Variants in LCOR observed in about 807,000 individuals in gnomAD.
LCOR encodes ligand dependent nuclear receptor corepressor.
LCOR carries 14 observed loss-of-function variants against 64.4 expected under a neutral mutation model. That is an observed-to-expected ratio of 0.22 (90% CI 0.14 to 0.34). The LOEUF (loss-of-function observed/expected upper bound fraction) is 0.34, where lower values mean the gene tolerates loss of function less well. Ranked by LOEUF, LCOR falls within the 10% of genes least tolerant of loss-of-function variation. LCOR has a pLI of 1.00. For missense variants in LCOR, 1,686 were observed against 1,765.3 expected (o/e 0.96, Z 0.80); for synonymous variants, 643 against 642.5 (o/e 1.00, Z -0.01).
At chr10:96,882,987 A>G (rs554929981) in intron 2 of LCOR, among the ~76,000 whole-genome samples, 15 of 152,206 alleles carry the variant, frequency 9.9e-5, no homozygotes, top group African/African-American at 3.4e-4. Flanking sequence ...AGTTGCTTCA[A>G]GTTTTGACAG....
intron 7 of LCOR, chr10:96,955,927 A>G: frequency 1.2e-6 from 2 of 1,609,222 alleles, no homozygotes; most frequent in Non-Finnish European, 8.5e-7. Flanking sequence ...GAGTAGGAAT[A>G]CTGTAGAGTG....
chr10:96,972,051 A>ATAG lies in LCOR; in HGVS notation c.333-8740_333-8738dup, dbSNP rs1848004207. 2.0e-5 allele frequency among the ~76,000 whole-genome samples: 3 copies of ATAG among 152,216 alleles called. No homozygotes were observed. In the East Asian group the frequency reaches 5.8e-4, roughly 29 times the overall value. ...TTTCTAGAGAGGGGTGGGGTGGGGA[A>ATAG]TAGTTATAAAGGACTATTAATTCTT... On this transcript the variant is annotated intron_variant, in intron 7 of 7. Coordinates refer to ENST00000421806, the MANE Select transcript of LCOR (RefSeq NM_001346516.2).
At chr10:96,918,122 A>C (rs901126216) in intron 4 of LCOR, among the ~76,000 whole-genome samples, 1 of 152,256 alleles carries the variant, frequency 6.6e-6, no homozygotes, top group Non-Finnish European at 1.5e-5. Flanking sequence ...AAAGCACAAA[A>C]TACTGAGTTT....
Position 96,989,748 on chromosome 10 carries a change from G to A in LCOR, c.*4614G>A, listed in dbSNP as rs1253346828. Reference sequence around the variant, plus strand: ...AGAGACGAGGTTACGCTATGTTGCCGAGGCTGATCTGAAACTCCTGGCCTC... The same window carrying A: ...AGAGACGAGGTTACGCTATGTTGCCAAGGCTGATCTGAAACTCCTGGCCTC... On this transcript the variant is annotated 3_prime_UTR_variant, in exon 8 of 8. Coordinates refer to ENST00000421806, the MANE Select transcript of LCOR (RefSeq NM_001346516.2). 1.5e-5 allele frequency: 2 copies of A among 134,786 alleles called. No homozygotes were observed. Among genetic ancestry groups the A allele is most frequent in the African/African-American group, 2.9e-5 (1 of 34,524 alleles). The allele number at this position is 134,786 out of a possible 1,614,324, so 8.3% of individuals were successfully genotyped here. A position where few individuals can be genotyped will look rare whatever the true frequency, so the allele number is the denominator to read the frequency against.
intron 4 of LCOR, among the ~76,000 whole-genome samples, chr10:96,935,563 G>A (rs925191915): frequency 6.6e-6 from 1 of 152,194 alleles, no homozygotes; most frequent in Non-Finnish European, 1.5e-5. Flanking sequence ...AGCAGGGTGT[G>A]GTGGCTCTCG....
intron 2 of LCOR, among the ~76,000 whole-genome samples, chr10:96,834,260 G>T (rs1278931604): frequency 1.3e-5 from 2 of 152,206 alleles, no homozygotes; most frequent in Admixed American, 1.3e-4. Context: ...GGTTAAAAGT[G>T]CATTTTCAAA....
At chr10:96,955,122 C>A in intron 7 of LCOR, 1 of 1,614,130 alleles carries the variant, frequency 6.2e-7, no homozygotes, top group Non-Finnish European at 8.5e-7. Context: ...GAGCAGAAAC[C>A]AATTGTCCAC....
intron 2 of LCOR, among the ~76,000 whole-genome samples, chr10:96,902,377 C>T (rs998285473): frequency 6.6e-6 from 1 of 152,054 alleles, no homozygotes; most frequent in Non-Finnish European, 1.5e-5. Context: ...GGAGAATGTG[C>T]TCAGGAGGAG....
chr10:96,912,826 A>G (rs1284593081), intron 4 of LCOR, among the ~76,000 whole-genome samples: 1 of 152,086 alleles, frequency 6.6e-6, no homozygotes, highest in Non-Finnish European at 1.5e-5. Context: ...TTCTATTTCC[A>G]TAATTTCTTC....
chr10:96,993,725 C>G lies in LCOR; in HGVS notation c.*8591C>G, dbSNP rs1848220037. 6.7e-6 allele frequency: 1 copy of G among 149,406 alleles called. No homozygotes were observed. Among genetic ancestry groups the G allele is most frequent in the African/African-American group, 2.5e-5 (1 of 40,786 alleles). 9.3% of individuals were successfully genotyped at this position (149,406 alleles called of 1,614,324 possible). ...CAAATCTGAGCTTTAACTGCCCCCT[C>G]TTCTCATCTGGTTATGTTATATTAT... is the stretch of plus-strand genomic sequence containing the variant. On this transcript the variant is annotated 3_prime_UTR_variant, in exon 8 of 8. Transcript: ENST00000421806.
intron 2 of LCOR, among the ~76,000 whole-genome samples, chr10:96,841,373 T>A (rs1457306007): frequency 1.3e-5 from 2 of 151,566 alleles, no homozygotes; most frequent in Non-Finnish European, 1.5e-5. Context: ...TTTTTTTTTT[T>A]TTTTTTTGAG....
At chr10:96,919,011 A>G (rs1178199997) in intron 4 of LCOR, among the ~76,000 whole-genome samples, 1 of 152,234 alleles carries the variant, frequency 6.6e-6, no homozygotes, top group Non-Finnish European at 1.5e-5. Flanking sequence ...ATAAAAAACT[A>G]CTGAAGTCTA....
intron 2 of LCOR, among the ~76,000 whole-genome samples, chr10:96,847,214 A>T (rs1008355142): frequency 6.6e-6 from 1 of 152,130 alleles, no homozygotes; most frequent in African/African-American, 2.4e-5. Context: ...GCAGCACTCC[A>T]GTCTGGGTGA....
intron 5 of LCOR, among the ~76,000 whole-genome samples, chr10:96,948,216 CATT>C (rs1299481081): frequency 1.3e-5 from 2 of 151,988 alleles, no homozygotes; most frequent in African/African-American, 4.8e-5. Context: ...ATGTTTATTT[CATT>C]ATTTTATTTT....
rs1012167730 is a variant in LCOR at position 96,982,373 on chromosome 10, C to T, written c.1913C>T (p.Ala638Val). The stretch of plus-strand genomic sequence containing the variant: ...CCAGAAGGTGGCTCCACAGTCTCAG[C>T]TCCCACAGCAAGTGGGATGTCTTCT... ...DLPEGGSTVS[A>V]PTASGMSSPE... Residue 638 changes from alanine to valine, a missense_variant, in exon 8 of 8, where the codon GCT becomes GTT. Physicochemically the swap from Ala to Val is moderately conservative, Grantham distance 64. Around this residue, in one of 3 missense-constraint regions of LCOR, gnomAD observed 1,293 missense variants for 1,410.4 expected, o/e 0.92. Coordinates refer to ENST00000421806, the MANE Select transcript of LCOR (RefSeq NM_001346516.2). 2.5e-6 allele frequency: 4 copies of T among 1,614,120 alleles called. No homozygotes were observed. The highest frequency in any genetic ancestry group is 3.4e-6 in the Non-Finnish European group (4 of 1,180,042).
intron 2 of LCOR, among the ~76,000 whole-genome samples, chr10:96,837,663 A>T (rs12259265): frequency 0.14 from 21,443 of 152,122 alleles, 2,082 homozygotes; most frequent in African/African-American, 0.27. Flanking sequence ...GCTGTTACAG[A>T]CCTATTTTTG....
In LCOR at chr10:96,907,312, G is replaced by T. The variant is rs1846746128; in HGVS notation, c.-282G>T. 1.0e-6 allele frequency: 1 copy of T among 980,174 alleles called. No individual in the cohort carries two copies. Among genetic ancestry groups the T allele is most frequent in the Admixed American group, 6.2e-5 (1 of 16,232 alleles). 60.7% of individuals were successfully genotyped at this position (980,174 alleles called of 1,614,324 possible). ...GCTGTTTGGACCTGCATTATTAAAA[G>T]ATCTCAGTTTATTTAAAGGTATTCA... is the stretch of plus-strand genomic sequence containing the variant. On this transcript the variant is annotated 5_prime_UTR_variant, in exon 3 of 8. Coordinates refer to ENST00000421806, the MANE Select transcript of LCOR (RefSeq NM_001346516.2).
intron 2 of LCOR, among the ~76,000 whole-genome samples, chr10:96,875,089 A>G (rs1846140667): frequency 6.6e-6 from 1 of 151,612 alleles, no homozygotes; most frequent in African/African-American, 2.4e-5. Flanking sequence ...GTTATATAAT[A>G]TCTAGTCTAA....
intron 2 of LCOR, among the ~76,000 whole-genome samples, chr10:96,856,157 G>A (rs949107165): frequency 2.0e-5 from 3 of 150,706 alleles, no homozygotes; most frequent in Admixed American, 1.3e-4. Context: ...TGCAACCTCC[G>A]CCTCCCGGGT....
Sources: allele counts gnomAD v4.1 joint callset (sites outside exome capture counted in the v4.1 genomes callset), GRCh38; gene constraint gnomAD v4.1.1; regional missense constraint gnomAD v4.1.1; transcripts MANE v1.5; gene names NCBI Gene and HGNC (gene_info 2026-07-23, HGNC 2026-07-21).